The following PKP4 variants were observed in gnomAD, a reference collection of about 807,000 sequenced individuals.
PKP4 encodes plakophilin-4.
In PKP4, 90 loss-of-function variants were observed where a neutral mutation model predicts 145.1. The observed-to-expected ratio is 0.62, with a 90% CI of 0.52 to 0.74. The LOEUF (loss-of-function observed/expected upper bound fraction) is 0.74, where lower values mean the gene tolerates loss of function less well. Among genes scored for constraint, PKP4 ranks in the 30% least tolerant of loss-of-function variants. PKP4 has a pLI of 0.00. For missense variants in PKP4, 1,340 were observed against 1,482.7 expected (o/e 0.90, Z 1.58); for synonymous variants, 563 against 577.2 (o/e 0.98, Z 0.35).
chr2:158,465,602 T>G (rs1690490602), intron 1 of PKP4, among the ~76,000 whole-genome samples: 1 of 152,220 alleles, frequency 6.6e-6, no homozygotes, highest in Non-Finnish European at 1.5e-5. Context: ...TTTGTGTGCC[T>G]TTATAAGCCC....
chr2:158,482,049 C>T (rs185530004), intron 1 of PKP4, among the ~76,000 whole-genome samples: 5 of 152,298 alleles, frequency 3.3e-5, no homozygotes, highest in Non-Finnish European at 5.9e-5. Context: ...GCCATAATTA[C>T]GTACCTGTGC....
chr2:158,475,513 G>A (rs1203843543), intron 1 of PKP4, among the ~76,000 whole-genome samples: 2 of 152,178 alleles, frequency 1.3e-5, no homozygotes, highest in African/African-American at 2.4e-5. Flanking sequence ...TCCACATCCT[G>A]TGGCACTTGA....
At chr2:158,638,830 C>T (rs187264921) in intron 9 of PKP4, among the ~76,000 whole-genome samples, 15 of 152,300 alleles carry the variant, frequency 9.8e-5, no homozygotes, top group African/African-American at 2.6e-4. Context: ...AAGTCTATTT[C>T]GTTTCAAGCA....
At chr2:158,626,654 T>C (rs1181728742) in intron 7 of PKP4, among the ~76,000 whole-genome samples, 2 of 152,152 alleles carry the variant, frequency 1.3e-5, no homozygotes, top group African/African-American at 4.8e-5. Context: ...GTCTATACCT[T>C]GTCTACACTG....
intron 2 of PKP4, among the ~76,000 whole-genome samples, chr2:158,563,341 G>C (rs1444442894): frequency 1.3e-5 from 2 of 152,046 alleles, no homozygotes; most frequent in African/African-American, 2.4e-5. Flanking sequence ...CACCCTACAG[G>C]CATCCAGTCC....
intron 3 of PKP4, among the ~76,000 whole-genome samples, chr2:158,584,161 C>T (rs558713279): frequency 6.6e-6 from 1 of 152,332 alleles, no homozygotes; most frequent in East Asian, 1.9e-4. Context: ...CGAGGCCAAC[C>T]GAGGGTCTGT....
At chr2:158,595,958 A>G (rs1002645553) in intron 3 of PKP4, among the ~76,000 whole-genome samples, 3 of 152,178 alleles carry the variant, frequency 2.0e-5, no homozygotes, top group Admixed American at 1.3e-4. Flanking sequence ...TGCCTAGAGG[A>G]TAACAAGGTG....
intron 3 of PKP4, chr2:158,588,933 G>A (rs1051255075): frequency 1.3e-5 from 2 of 152,152 alleles, no homozygotes; most frequent in Admixed American, 1.3e-4. Context: ...ATCAGCAAGA[G>A]ACCATTGTGC....
chr2:158,566,024 A>C (rs1258148461), intron 2 of PKP4, among the ~76,000 whole-genome samples: 1 of 152,188 alleles, frequency 6.6e-6, no homozygotes, highest in Non-Finnish European at 1.5e-5. Flanking sequence ...TTCTAATTCT[A>C]GTACCCCTGC....
At chr2:158,672,989 G>T (rs1312445519) in intron 17 of PKP4, among the ~76,000 whole-genome samples, 1 of 152,186 alleles carries the variant, frequency 6.6e-6, no homozygotes, top group African/African-American at 2.4e-5. Flanking sequence ...CCACCCAAAT[G>T]TAGAGATCTG....
At chr2:158,465,190 A>G (rs1234339580) in intron 1 of PKP4, among the ~76,000 whole-genome samples, 1 of 152,238 alleles carries the variant, frequency 6.6e-6, no homozygotes, top group Non-Finnish European at 1.5e-5. Flanking sequence ...ATAAATAAGC[A>G]TGTAACATTG....
intron 1 of PKP4, among the ~76,000 whole-genome samples, chr2:158,492,571 G>A (rs566771173): frequency 1.3e-5 from 2 of 150,408 alleles, no homozygotes; most frequent in African/African-American, 2.4e-5. Context: ...CACCCTGCCC[G>A]GGCTTTGCTC....
At chr2:158,481,077 A>C (rs1249040247) in intron 1 of PKP4, among the ~76,000 whole-genome samples, 2 of 152,200 alleles carry the variant, frequency 1.3e-5, no homozygotes, top group African/African-American at 4.8e-5. Context: ...TCTTTTTAAA[A>C]GTGATATTAT....
At position 158,496,790 on chromosome 2, in the gene PKP4, G is replaced by GTGTGTGTGTGTCTGTGTC. The variant is rs146738816; in HGVS notation, c.-5-36385_-5-36384insGTGTGTCTGTGTCTGTGT. On this transcript the variant is annotated intron_variant, in intron 1 of 21. Transcript: ENST00000389759. Reference sequence around the variant, plus strand: ...TGTGTGTGTGTGTGTGTGTGTGTGTGTGTGTCTGTGTGTCTCACTCTCTCT... The same window carrying GTGTGTGTGTGTCTGTGTC: ...TGTGTGTGTGTGTGTGTGTGTGTGTGTGTGTGTGTGTCTGTGTCTGTGTCTGTGTGTCTCACTCTCTCT... Among the ~76,000 whole-genome samples, 358 of 150,048 alleles carry GTGTGTGTGTGTCTGTGTC rather than the reference G, an allele frequency of 2.4e-3. 1 individual carries two copies. Among genetic ancestry groups the GTGTGTGTGTGTCTGTGTC allele is most frequent in the Middle Eastern group, 3.5e-3 (1 of 286 alleles).
intron 2 of PKP4, among the ~76,000 whole-genome samples, chr2:158,557,746 C>G (rs1379979366): frequency 6.6e-6 from 1 of 151,974 alleles, no homozygotes; most frequent in African/African-American, 2.4e-5. Flanking sequence ...AGGTTTAGAT[C>G]CAAGGAGAAT....
intron 1 of PKP4, among the ~76,000 whole-genome samples, chr2:158,493,896 C>A (rs1270627651): frequency 1.3e-5 from 2 of 152,134 alleles, no homozygotes; most frequent in South Asian, 2.1e-4. Flanking sequence ...TTTTTTCAGT[C>A]TTCTTTCATT....
intron 17 of PKP4, among the ~76,000 whole-genome samples, chr2:158,672,988 TGTA>T (rs1234726374): frequency 6.6e-6 from 1 of 152,152 alleles, no homozygotes; most frequent in Non-Finnish European, 1.5e-5. Flanking sequence ...ACCACCCAAA[TGTA>T]GAGATCTGAG....
intron 1 of PKP4, among the ~76,000 whole-genome samples, chr2:158,461,787 C>T (rs1689809694): frequency 6.6e-6 from 1 of 151,478 alleles, no homozygotes. Flanking sequence ...TAGTACTGCT[C>T]TTCCTTCATC....
At chr2:158,504,623 G>T (rs1184413959) in intron 1 of PKP4, among the ~76,000 whole-genome samples, 1 of 151,800 alleles carries the variant, frequency 6.6e-6, no homozygotes, top group Non-Finnish European at 1.5e-5. Context: ...TTCTTTGAGG[G>T]TTGATTCAGG....
Sources: allele counts gnomAD v4.1 joint callset (sites outside exome capture counted in the v4.1 genomes callset), GRCh38; gene constraint gnomAD v4.1.1; transcripts MANE v1.5; gene names NCBI Gene and HGNC (gene_info 2026-07-23, HGNC 2026-07-21).